PCDH15: variants seen among roughly 807,000 people sequenced by gnomAD.
PCDH15 encodes protocadherin related 15.
PCDH15 carries 129 observed loss-of-function variants against 178.5 expected under a neutral mutation model. The observed-to-expected ratio is 0.72, with a 90% CI of 0.63 to 0.84. PCDH15 has a LOEUF of 0.84. Among genes scored for constraint, PCDH15 ranks in the 40% least tolerant of loss-of-function variants. PCDH15 has a pLI of 0.00. For synonymous variants in PCDH15, 800 were observed against 732.0 expected (o/e 1.09, Z -1.50); for missense variants, 2,230 against 2,099.9 (o/e 1.06, Z -1.21).
In PCDH15 at chr10:54,257,906, A is replaced by T. The variant is rs184284626; in HGVS notation, c.877-20975T>A. Among the ~76,000 whole-genome samples the T allele has an allele frequency of 5.5e-4, 84 of 152,278 alleles. 1 individual carries two copies. The highest frequency in any genetic ancestry group is 1.8e-3 in the African/African-American group (74 of 41,566). The stretch of plus-strand genomic sequence containing the variant: ...TGCAGGCAATCAATAAAAAATTGCT[A>T]AGGAACAGAGTCTCTATTCACAGTC... On this transcript the variant is annotated intron_variant, in intron 8 of 37. Coordinates refer to ENST00000644397, the MANE Select transcript of PCDH15 (RefSeq NM_001384140.1).
intron 8 of PCDH15, among the ~76,000 whole-genome samples, chr10:54,262,837 A>G (rs2057412536): frequency 6.6e-6 from 1 of 152,124 alleles, no homozygotes; most frequent in South Asian, 2.1e-4. Flanking sequence ...GTAGCTCAAC[A>G]ATGTGGGAGC....
At chr10:55,542,007 C>T (rs558393925) in intron 2 of PCDH15, among the ~76,000 whole-genome samples, 2 of 151,700 alleles carry the variant, frequency 1.3e-5, no homozygotes, top group South Asian at 4.1e-4. Flanking sequence ...TGAGAGGGAA[C>T]AAAATTTGCA....
chr10:54,318,886 C>T (rs2061430048), intron 7 of PCDH15, among the ~76,000 whole-genome samples: 1 of 152,136 alleles, frequency 6.6e-6, no homozygotes, highest in African/African-American at 2.4e-5. Context: ...TCAGTTTTCT[C>T]AACTATAAAT....
intron 4 of PCDH15, among the ~76,000 whole-genome samples, chr10:54,371,979 C>T (rs1483838325): frequency 6.6e-6 from 1 of 151,842 alleles, no homozygotes. Flanking sequence ...TTGAAAAAGA[C>T]TAGCTCTTAG....
intron 3 of PCDH15, among the ~76,000 whole-genome samples, chr10:54,455,791 C>A (rs1164432852): frequency 6.6e-6 from 1 of 152,064 alleles, no homozygotes; most frequent in African/African-American, 2.4e-5. Flanking sequence ...TGGTTTTGTG[C>A]CCCTCTTCCG....
intron 25 of PCDH15, among the ~76,000 whole-genome samples, chr10:53,936,392 A>T (rs973095562): frequency 6.6e-6 from 1 of 152,154 alleles, no homozygotes; most frequent in African/African-American, 2.4e-5. Context: ...AGTCCTTAAG[A>T]TATACATATC....
intron 1 of PCDH15, among the ~76,000 whole-genome samples, chr10:54,769,321 CT>C (rs35099531): frequency 0.25 from 35,286 of 143,954 alleles, 4,753 homozygotes; most frequent in East Asian, 0.45. Context: ...TACGCAATGC[CT>C]TTTTTTTTTT....
chr10:54,223,822 G>A (rs917891454), intron 9 of PCDH15, among the ~76,000 whole-genome samples: 1 of 152,018 alleles, frequency 6.6e-6, no homozygotes, highest in African/African-American at 2.4e-5. Flanking sequence ...TCCTGTTTCT[G>A]CTTCTTAAAA....
At position 53,830,126 on chromosome 10, in the gene PCDH15, A is replaced by G. The variant is rs568957832; in HGVS notation, c.4202+1189T>C. 1.3e-3 allele frequency among the ~76,000 whole-genome samples: 202 copies of G among 152,138 alleles called. 2 individuals are homozygous for G. The highest frequency in any genetic ancestry group is 4.8e-3 in the African/African-American group (199 of 41,524). On this transcript the variant is annotated intron_variant, in intron 30 of 37. Transcript: ENST00000644397. ...AGACCAGCCTGACCAACATGGTGAA[A>G]CCCCGTCTCTACTAAAAATACAAAA...
intron 3 of PCDH15, among the ~76,000 whole-genome samples, chr10:54,816,490 C>T (rs1410989621): frequency 6.6e-6 from 1 of 151,974 alleles, no homozygotes. Context: ...GTCAAACCAG[C>T]CATGCTTGTT....
chr10:54,099,498 C>CAAAAAA (rs755057091), intron 15 of PCDH15, among the ~76,000 whole-genome samples: 22,762 of 49,110 alleles, frequency 0.46, 6,888 homozygotes, highest in Middle Eastern at 0.54. Flanking sequence ...GACTCCATCT[C>CAAAAAA]AAAAAAAAAA....
intron 3 of PCDH15, among the ~76,000 whole-genome samples, chr10:54,440,103 G>A (rs1301590505): frequency 6.6e-6 from 1 of 151,944 alleles, no homozygotes; most frequent in Non-Finnish European, 1.5e-5. Flanking sequence ...GCTGGCAATT[G>A]ACTATCTACT....
intron 2 of PCDH15, among the ~76,000 whole-genome samples, chr10:55,565,688 GACTATAAGAGAGT>G (rs1842287603): frequency 6.6e-6 from 1 of 151,444 alleles, no homozygotes; most frequent in Non-Finnish European, 1.5e-5. Flanking sequence ...AAATAAAATG[GACTATAAGAGAGT>G]ACTATGAAAA....
chr10:54,838,421 C>A (rs961805835), intron 3 of PCDH15, among the ~76,000 whole-genome samples: 1 of 152,128 alleles, frequency 6.6e-6, no homozygotes, highest in Non-Finnish European at 1.5e-5. Flanking sequence ...GCAAGAGGTG[C>A]CTTTGCTTCT....
chr10:53,830,391 C>T (rs1394503409), intron 30 of PCDH15, among the ~76,000 whole-genome samples: 3 of 151,460 alleles, frequency 2.0e-5, no homozygotes, highest in African/African-American at 7.3e-5. Flanking sequence ...GCAGTTCTAC[C>T]ATTATTTCTT....
intron 15 of PCDH15, among the ~76,000 whole-genome samples, chr10:54,129,677 C>T (rs2042265156): frequency 6.6e-6 from 1 of 152,020 alleles, no homozygotes; most frequent in African/African-American, 2.4e-5. Flanking sequence ...ATTATAGCTC[C>T]CTGGCGGTAA....
intron 5 of PCDH15, among the ~76,000 whole-genome samples, chr10:54,362,272 C>A (rs1324563198): frequency 2.6e-5 from 4 of 151,754 alleles, no homozygotes; most frequent in Non-Finnish European, 5.9e-5. Context: ...TGGATAAGAA[C>A]AAATTTAAAA....
At chr10:54,584,807 C>A (rs1206325911) in intron 2 of PCDH15, among the ~76,000 whole-genome samples, 2 of 152,056 alleles carry the variant, frequency 1.3e-5, no homozygotes, top group Non-Finnish European at 2.9e-5. Context: ...AAATCAGAAT[C>A]ATGGCTGTAA....
intron 2 of PCDH15, among the ~76,000 whole-genome samples, chr10:55,527,871 A>T (rs952512545): frequency 6.6e-6 from 1 of 152,032 alleles, no homozygotes; most frequent in Non-Finnish European, 1.5e-5. Context: ...TCTTCTGACA[A>T]CAATGAGGTA....
Sources: gnomAD v4.1 joint callset for allele counts (sites outside exome capture counted in the v4.1 genomes callset) on GRCh38, gnomAD v4.1.1 for gene constraint, MANE v1.5 for transcripts, NCBI Gene and HGNC (gene_info 2026-07-23, HGNC 2026-07-21) for gene names.